VPS53: variants seen among roughly 807,000 people sequenced by gnomAD.
VPS53 encodes the protein vacuolar protein sorting-associated protein 53 homolog.
A neutral mutation model predicts 107.0 loss-of-function variants in VPS53; 70 were observed. That is an observed-to-expected ratio of 0.65 (90% CI 0.54 to 0.80). The LOEUF (loss-of-function observed/expected upper bound fraction) is 0.80, where lower values mean the gene tolerates loss of function less well. Ranked by LOEUF, VPS53 falls within the 30% of genes least tolerant of loss-of-function variation. The pLI, the probability that VPS53 is intolerant of heterozygous loss-of-function variation, is 0.00. For synonymous variants in VPS53, 409 were observed against 393.3 expected, an observed-to-expected ratio of 1.04 and a Z score of -0.47; for missense variants, 917 against 1,049.4, an observed-to-expected ratio of 0.87 and a Z score of 1.74.
At chr17:521,577 G>T (rs1458030802) in intron 20 of VPS53, 24 bp downstream of exon 20, 9 of 1,510,228 alleles carry the variant, frequency 6.0e-6, no homozygotes, top group Admixed American at 2.1e-5. Context: ...TAAATAACTG[G>T]CCCCTTTTAA....
chr17:631,742 G>C (rs1295809630), intron 7 of VPS53, 114 bp from the exon 8 acceptor site: 2 of 887,556 alleles, frequency 2.3e-6, no homozygotes, highest in Non-Finnish European at 3.5e-6. Context: ...GAAGGGTACA[G>C]AGACGTCCAT....
At chr17:710,924 G>C (rs751463830) in intron 1 of VPS53, among the ~76,000 whole-genome samples, 1 of 152,132 alleles carries the variant, frequency 6.6e-6, no homozygotes, top group African/African-American at 2.4e-5. Flanking sequence ...CAGTCTGGGC[G>C]AAAGAGCAAG....
intron 7 of VPS53, among the ~76,000 whole-genome samples, chr17:638,605 G>A (rs2143279415): frequency 6.6e-6 from 1 of 152,230 alleles, no homozygotes; most frequent in East Asian, 1.9e-4. Context: ...TTGTAGGGCA[G>A]GCCTGGTGGT....
intron 7 of VPS53, among the ~76,000 whole-genome samples, chr17:634,218 T>C (rs1407479048): frequency 5.3e-5 from 8 of 151,090 alleles, no homozygotes; most frequent in Admixed American, 2.6e-4. Flanking sequence ...AACTATTCCC[T>C]ACTCTGAATT....
rs1597445780 is a variant in VPS53, at chr17:656,296, A to G, written c.373-343T>C. ...ACCTTTCCTTGAACAAGGTGAGGAA[A>G]GTGTGCCTTCTGGTGATGAAGCCGC... On this transcript the variant is annotated intron_variant, in intron 5 of 21. Transcript: ENST00000437048. 2.6e-5 allele frequency among the ~76,000 whole-genome samples: 4 copies of G among 152,314 alleles called. No homozygotes were observed. In the South Asian group the frequency reaches 6.2e-4, roughly 24 times the overall value.
intron 4 of VPS53, among the ~76,000 whole-genome samples, chr17:686,959 C>A (rs2143829055): frequency 7.4e-6 from 1 of 135,402 alleles, no homozygotes; most frequent in East Asian, 2.2e-4. Flanking sequence ...CTAGCCTGGG[C>A]AACATAGCGA....
intron 4 of VPS53, among the ~76,000 whole-genome samples, chr17:694,660 G>C (rs907076380): frequency 6.6e-6 from 1 of 152,154 alleles, no homozygotes; most frequent in African/African-American, 2.4e-5. Context: ...ACACCCACTT[G>C]CTGATCAAAA....
At position 582,348 on chromosome 17, in the gene VPS53, C is replaced by T. The variant is rs145462952; in HGVS notation, c.1313+3922G>A. Among the ~76,000 whole-genome samples, 337 of 148,870 alleles carry T rather than the reference C, an allele frequency of 2.3e-3. 7 individuals are homozygous for T. Among genetic ancestry groups the T allele is most frequent in the African/African-American group, 8.0e-3 (328 of 41,114 alleles). On this transcript the variant is annotated intron_variant, in intron 13 of 21. Transcript: ENST00000437048. ...ATTCCCAGAGAACCTCCCTCAGAAC[C>T]CAATGTGTCCCCAGAGAACCTCCCT...
intron 15 of VPS53, among the ~76,000 whole-genome samples, chr17:557,480 A>G (rs1912545595): frequency 6.6e-6 from 1 of 152,042 alleles, no homozygotes; most frequent in Non-Finnish European, 1.5e-5. Context: ...ACTTCAACCC[A>G]CTATATCTCC....
At chr17:573,004 GA>G (rs1006065375) in intron 13 of VPS53, among the ~76,000 whole-genome samples, 1 of 151,438 alleles carries the variant, frequency 6.6e-6, no homozygotes, top group Admixed American at 6.6e-5. Flanking sequence ...CCCTCTGTGA[GA>G]AACACCCAAG....
rs1017063167 is a variant in VPS53 at position 512,307 on chromosome 17, C to G, written c.*6821G>C. The stretch of plus-strand genomic sequence containing the variant: ...CCCGGTCTTGTGTGACCTTCACAGC[C>G]AATATTCATTATAATCCCCTCTCAC... On this transcript the variant is annotated 3_prime_UTR_variant, in exon 22 of 22. Coordinates refer to ENST00000437048, the MANE Select transcript of VPS53 (RefSeq NM_001128159.3). 4 of 152,172 alleles carry G rather than the reference C, an allele frequency of 2.6e-5. No homozygotes were observed. Among genetic ancestry groups the G allele is most frequent in the African/African-American group, 9.7e-5 (4 of 41,426 alleles). 9.4% of individuals were successfully genotyped at this position (152,172 alleles called of 1,614,324 possible). A position where few individuals can be genotyped will look rare whatever the true frequency, so the allele number is the denominator to read the frequency against.
chr17:686,195 C>G (rs1355036689), intron 4 of VPS53, among the ~76,000 whole-genome samples: 1 of 151,932 alleles, frequency 6.6e-6, no homozygotes, highest in Non-Finnish European at 1.5e-5. Flanking sequence ...TGGTGTGCAC[C>G]TGTAGTCCTA....
Position 514,744 on chromosome 17 carries a change from C to T in VPS53, c.*4384G>A, listed in dbSNP as rs1908182045. ...GACCTGCCCCCACGCTCTGCGTGCC[C>T]TGTACTGGTCATGCTGGTCTCAGCT... On this transcript the variant is annotated 3_prime_UTR_variant, in exon 22 of 22. Transcript: ENST00000437048. The T allele has an allele frequency of 6.5e-6, 1 of 152,684 alleles. No homozygotes were observed. Among genetic ancestry groups the T allele is most frequent in the African/African-American group, 2.4e-5 (1 of 41,470 alleles). The allele number at this position is 152,684 out of a possible 1,614,324, so 9.5% of individuals were successfully genotyped here. A position where few individuals can be genotyped will look rare whatever the true frequency, so the allele number is the denominator to read the frequency against.
rs926505020 is a variant in VPS53 at position 598,386 on chromosome 17, G to A, written c.1218+3409C>T. On this transcript the variant is annotated intron_variant, in intron 12 of 21. Coordinates refer to ENST00000437048, the MANE Select transcript of VPS53 (RefSeq NM_001128159.3). ...GCAGCCTCTGCCCGGCCACCACCCC[G>A]TCTGGGAAGTGAGAAGCGTCTCTGC... Among the ~76,000 whole-genome samples, 420 of 145,864 alleles carry A rather than the reference G, an allele frequency of 2.9e-3. 2 individuals are homozygous for A. Among genetic ancestry groups the A allele is most frequent in the African/African-American group, 5.1e-3 (207 of 40,600 alleles).
chr17:563,574 G>A (rs1442156308), intron 13 of VPS53, among the ~76,000 whole-genome samples: 1 of 152,158 alleles, frequency 6.6e-6, no homozygotes, highest in Non-Finnish European at 1.5e-5. Flanking sequence ...GATTACAGGT[G>A]TGAGCCACTC....
chr17:657,055 A>C, intron 5 of VPS53: 1 of 894,020 alleles, frequency 1.1e-6, no homozygotes, highest in Non-Finnish European at 1.9e-6. Flanking sequence ...ATGGCTTGCC[A>C]GTGTCGAACG....
rs761805836 is a variant in VPS53 at position 553,380 on chromosome 17, G to A, written c.1787C>T (p.Thr596Ile). ...NLTGEMDTFS[T>I]VISSSIQLLV... ...CAGTAAGTGTGTGCAGGGTACATAC[G>A]TGCTGAACGTGTCCATCTCTCCAGT... The change falls in exon 16 of 22, where the codon ACC becomes ATC. Residue 596 changes from threonine to isoleucine, a missense_variant and splice_region_variant. Transcript: ENST00000437048. The A allele has an allele frequency of 2.8e-5, 45 of 1,613,930 alleles. No individual in the cohort carries two copies. The highest frequency in any genetic ancestry group is 1.9e-4 in the African/African-American group (14 of 75,036).
chr17:634,004 C>T (rs1204529570), intron 7 of VPS53, among the ~76,000 whole-genome samples: 1 of 152,136 alleles, frequency 6.6e-6, no homozygotes, highest in Non-Finnish European at 1.5e-5. Context: ...ATAGTAGGAA[C>T]TTTTCATGGT....
intron 7 of VPS53, among the ~76,000 whole-genome samples, chr17:650,270 G>A (rs1034609768): frequency 6.6e-6 from 1 of 152,094 alleles, no homozygotes; most frequent in Non-Finnish European, 1.5e-5. Context: ...TGAGGCAGGA[G>A]GATCACTTGA....
Sources: allele counts gnomAD v4.1 joint callset (sites outside exome capture counted in the v4.1 genomes callset), GRCh38; gene constraint gnomAD v4.1.1; transcripts MANE v1.5; gene names NCBI Gene and HGNC (gene_info 2026-07-23, HGNC 2026-07-21).